The following PODXL variants were observed in gnomAD, a reference collection of about 807,000 sequenced individuals.
The protein encoded by PODXL is podocalyxin.
In PODXL, 20 loss-of-function variants were observed where a neutral mutation model predicts 48.9. The observed-to-expected ratio is 0.41, with a 90% CI of 0.29 to 0.59. The LOEUF is 0.59. Among genes scored for constraint, PODXL ranks in the 20% least tolerant of loss-of-function variants. PODXL has a pLI of 0.31. For synonymous variants in PODXL, 295 were observed against 287.4 expected, an observed-to-expected ratio of 1.03 and a Z score of -0.27; for missense variants, 606 against 675.1, an observed-to-expected ratio of 0.90 and a Z score of 1.13.
chr7:131,532,300 G>A (rs1269001717), intron 1 of PODXL, among the ~76,000 whole-genome samples: 2 of 150,558 alleles, frequency 1.3e-5, no homozygotes, highest in Admixed American at 6.6e-5. Flanking sequence ...GCCGGGCATG[G>A]TGGCAGGTGC....
At chr7:131,540,209 C>A (rs1798451803) in intron 1 of PODXL, among the ~76,000 whole-genome samples, 1 of 152,060 alleles carries the variant, frequency 6.6e-6, no homozygotes, top group Non-Finnish European at 1.5e-5. Flanking sequence ...CCACACCCAG[C>A]TATGTTTTTG....
At chr7:131,549,474 G>C (rs186067075) in intron 1 of PODXL, among the ~76,000 whole-genome samples, 1 of 152,206 alleles carries the variant, frequency 6.6e-6, no homozygotes, top group Non-Finnish European at 1.5e-5. Context: ...AGAGCTCCAT[G>C]AATTTCAGGT....
intron 1 of PODXL, among the ~76,000 whole-genome samples, chr7:131,539,731 C>T (rs2116850663): frequency 6.6e-6 from 1 of 152,340 alleles, no homozygotes; most frequent in Middle Eastern, 3.4e-3. Flanking sequence ...CTTGCCGACC[C>T]CCTGCTGTGA....
intron 1 of PODXL, among the ~76,000 whole-genome samples, chr7:131,555,014 G>A (rs1207193732): frequency 1.3e-5 from 2 of 152,152 alleles, no homozygotes; most frequent in African/African-American, 2.4e-5. Context: ...TAGTCAGGCT[G>A]GTGGAGTCTC....
Position 131,511,098 on chromosome 7 carries a change from TGGTGTTA to T in PODXL, c.429_435del (p.Asn144GlnfsTer21). On this transcript the variant is annotated frameshift_variant, in exon 2 of 9. Coordinates refer to ENST00000378555, the MANE Select transcript of PODXL (RefSeq NM_001018111.3). LOFTEE classifies it high-confidence loss of function. Reference sequence around the variant, plus strand: ...TCTTCTGCTCCATTCTGGCTGCTTGTGGTGTTAGGTTTAGCTGTGGCTGTGGAGGTTG... The same window carrying T: ...TCTTCTGCTCCATTCTGGCTGCTTGTGGTTTAGCTGTGGCTGTGGAGGTTG... 2 of 1,613,994 alleles carry T rather than the reference TGGTGTTA, an allele frequency of 1.2e-6. No homozygotes were observed. The highest frequency in any genetic ancestry group is 1.7e-6 in the Non-Finnish European group (2 of 1,180,010).
chr7:131,511,243 CTGAGCCAGGGTTGTAGTCCCCGG>C lies in PODXL; in HGVS notation c.268_290del (p.Pro90AlafsTer12). 6.2e-7 allele frequency: 1 copy of C among 1,614,062 alleles called. No homozygotes were observed. Among genetic ancestry groups the C allele is most frequent in the Non-Finnish European group, 8.5e-7 (1 of 1,180,014 alleles). On this transcript the variant is annotated frameshift_variant, in exon 2 of 9. Coordinates refer to ENST00000378555, the MANE Select transcript of PODXL (RefSeq NM_001018111.3). LOFTEE classifies it high-confidence loss of function. Reference sequence around the variant, plus strand: ...TAGTGTTGACTGGGCCTGAGACTTGCTGAGCCAGGGTTGTAGTCCCCGGTGAGTCACTGGATACACCAAGGGTG... The same window carrying C: ...TAGTGTTGACTGGGCCTGAGACTTGCTGAGTCACTGGATACACCAAGGGTG...
chr7:131,541,513 C>T lies in PODXL; in HGVS notation c.100+14747G>A, dbSNP rs139766716. ...CCAGCCTGGTTAACATGGTGAAACC[C>T]CATCTCTACTAAAAATACAAAAATT... On this transcript the variant is annotated intron_variant, in intron 1 of 8. Transcript: ENST00000378555. Among the ~76,000 whole-genome samples the T allele has an allele frequency of 1.7e-3, 264 of 152,108 alleles. 2 individuals are homozygous for T. The highest frequency in any genetic ancestry group is 6.0e-3 in the African/African-American group (251 of 41,496).
At chr7:131,540,121 C>A (rs1392114245) in intron 1 of PODXL, among the ~76,000 whole-genome samples, 1 of 152,146 alleles carries the variant, frequency 6.6e-6, no homozygotes, top group Non-Finnish European at 1.5e-5. Flanking sequence ...CGGCTCACTG[C>A]AGCTTCAACC....
In PODXL at chr7:131,556,295, G is replaced by T; in HGVS notation, c.65C>A (p.Ser22Ter). 6.7e-7 allele frequency: 1 copy of T among 1,499,080 alleles called. No homozygotes were observed. 92.9% of individuals were successfully genotyped at this position (1,499,080 alleles called of 1,614,324 possible). A position where few individuals can be genotyped will look rare whatever the true frequency, so the allele number is the denominator to read the frequency against. Residue 22 changes from serine to a stop codon, truncating the protein, a stop_gained, in exon 1 of 9, where the codon TCG (serine) becomes TAG (stop). Transcript: ENST00000378555. LOFTEE classifies it high-confidence loss of function. ...LLLSTPPLLP[S>*]SPSPSPSPSQ... is the part of the protein sequence containing the mutation. Reference sequence around the variant, plus strand: ...GGGCGACGGCGACGGCGACGGCGACGACGGCAGCAGCGGCGGCGTTGACAA... The same window carrying T: ...GGGCGACGGCGACGGCGACGGCGACTACGGCAGCAGCGGCGGCGTTGACAA...
intron 3 of PODXL, 129 bp downstream of exon 3, chr7:131,510,107 G>C: frequency 2.7e-6 from 1 of 370,926 alleles, no homozygotes; most frequent in Non-Finnish European, 5.3e-6. Context: ...GTCTGAGATG[G>C]GCCATGATCC....
chr7:131,540,981 A>C (rs1798470523), intron 1 of PODXL, among the ~76,000 whole-genome samples: 1 of 152,224 alleles, frequency 6.6e-6, no homozygotes, highest in East Asian at 1.9e-4. Context: ...TAAGGCAGCA[A>C]GTTCAGCTCT....
chr7:131,523,816 A>G (rs1318467953), intron 1 of PODXL, among the ~76,000 whole-genome samples: 3 of 144,520 alleles, frequency 2.1e-5, no homozygotes, highest in Non-Finnish European at 4.5e-5. Flanking sequence ...TTTTTTTGAG[A>G]TGGAGACAGT....
Position 131,556,320 on chromosome 7 carries a change from A to C in PODXL, c.40T>G (p.Leu14Val), listed in dbSNP as rs373593598. The C allele has an allele frequency of 6.6e-7, 1 of 1,504,432 alleles. No individual in the cohort carries two copies. Among genetic ancestry groups the C allele is most frequent in the South Asian group, 1.3e-5 (1 of 78,796 alleles). The allele number at this position is 1,504,432 out of a possible 1,614,324, so 93.2% of individuals were successfully genotyped here. A position where few individuals can be genotyped will look rare whatever the true frequency, so the allele number is the denominator to read the frequency against. The change falls in exon 1 of 9, where the codon TTG (leucine) becomes GTG (valine). Residue 14 changes from leucine to valine, a missense_variant. Coordinates refer to ENST00000378555, the MANE Select transcript of PODXL (RefSeq NM_001018111.3). ...GACGGCAGCAGCGGCGGCGTTGACAACAGTAGCAGCAGCGCCGAGAGCGCC... is the reference window on the plus strand; with the variant it reads ...GACGGCAGCAGCGGCGGCGTTGACACCAGTAGCAGCAGCGCCGAGAGCGCC... ...ALALSALLLL[L>V]STPPLLPSSP...
chr7:131,522,714 G>A (rs890788448), intron 1 of PODXL, among the ~76,000 whole-genome samples: 7 of 152,210 alleles, frequency 4.6e-5, no homozygotes, highest in Non-Finnish European at 8.8e-5. Context: ...TCTGTCTATG[G>A]ACTCACCTAT....
intron 1 of PODXL, among the ~76,000 whole-genome samples, chr7:131,516,736 C>T (rs375360022): frequency 6.0e-4 from 75 of 125,598 alleles, no homozygotes; most frequent in African/African-American, 1.2e-3. Context: ...TTTTTTTTCT[C>T]TTTTTTTTTT....
At chr7:131,549,108 C>T (rs904331025) in intron 1 of PODXL, among the ~76,000 whole-genome samples, 20 of 151,940 alleles carry the variant, frequency 1.3e-4, no homozygotes, top group Admixed American at 3.9e-4. Flanking sequence ...TATCAGGTGA[C>T]GAGTGCTATG....
At chr7:131,541,014 T>C (rs576199389) in intron 1 of PODXL, among the ~76,000 whole-genome samples, 1 of 152,340 alleles carries the variant, frequency 6.6e-6, no homozygotes, top group South Asian at 2.1e-4. Flanking sequence ...CCTCTTTGTG[T>C]TCTGTCCTGG....
rs115769997 is a variant in PODXL, at chr7:131,519,263, T to A, written c.101-7830A>T. Among the ~76,000 whole-genome samples the A allele has an allele frequency of 7.8e-3, 1,192 of 152,294 alleles. 14 individuals carry two copies. Among genetic ancestry groups the A allele is most frequent in the African/African-American group, 0.027 (1,115 of 41,556 alleles). ...TATCCCAAATCATATAAAACCAGGC[T>A]TGGTTTTTTCACTCCTCATTCAGCT... On this transcript the variant is annotated intron_variant, in intron 1 of 8. Transcript: ENST00000378555.
intron 1 of PODXL, among the ~76,000 whole-genome samples, chr7:131,515,193 C>G (rs1174471540): frequency 2.6e-5 from 4 of 152,110 alleles, no homozygotes; most frequent in Non-Finnish European, 5.9e-5. Flanking sequence ...AGAAAGAGAA[C>G]AACAAATTCA....
Sources: gnomAD v4.1 joint callset for allele counts (sites outside exome capture counted in the v4.1 genomes callset) on GRCh38, gnomAD v4.1.1 for gene constraint, MANE v1.5 for transcripts, NCBI Gene and HGNC (gene_info 2026-07-23, HGNC 2026-07-21) for gene names.